C8orf34: variants seen among roughly 807,000 people sequenced by gnomAD.
C8orf34 encodes the protein chromosome 8 open reading frame 34, also known as uncharacterized protein C8orf34.
C8orf34 carries 65 observed loss-of-function variants against 68.3 expected under a neutral mutation model. The observed-to-expected ratio is 0.95, with a 90% CI of 0.78 to 1.17. The LOEUF is 1.17. Ranked by LOEUF, C8orf34 falls within the 50% of genes most tolerant of loss-of-function variation. C8orf34 has a pLI of 0.00. For missense variants in C8orf34, 664 were observed against 655.4 expected, an observed-to-expected ratio of 1.01 and a Z score of -0.14; for synonymous variants, 244 against 241.2, an observed-to-expected ratio of 1.01 and a Z score of -0.11.
chr8:68,726,543 A>G (rs1456723228), intron 10 of C8orf34, among the ~76,000 whole-genome samples: 1 of 152,198 alleles, frequency 6.6e-6, no homozygotes, highest in Non-Finnish European at 1.5e-5. Flanking sequence ...CTGCTGAGCT[A>G]GATTGGAGGT....
At chr8:68,533,286 A>C in intron 7 of C8orf34, 137 bp downstream of exon 7, 6 of 1,395,990 alleles carry the variant, frequency 4.3e-6, no homozygotes, top group Non-Finnish European at 5.6e-6. Flanking sequence ...TTTTATTTAC[A>C]TTAGACTCAC....
chr8:68,682,445 A>T (rs1452840252), intron 8 of C8orf34, among the ~76,000 whole-genome samples: 1 of 152,136 alleles, frequency 6.6e-6, no homozygotes, highest in African/African-American at 2.4e-5. Context: ...TAATTTAGTT[A>T]TCCTTCTCTT....
chr8:68,623,050 T>C (rs1332378807), intron 7 of C8orf34, among the ~76,000 whole-genome samples: 2 of 152,236 alleles, frequency 1.3e-5, no homozygotes, highest in African/African-American at 2.4e-5. Context: ...TATTGTGTTA[T>C]GGTTGGAAGA....
intron 4 of C8orf34, among the ~76,000 whole-genome samples, chr8:68,478,844 CGT>C (rs1812735552): frequency 6.6e-6 from 1 of 152,106 alleles, no homozygotes; most frequent in African/African-American, 2.4e-5. Flanking sequence ...CCTTTGCCAA[CGT>C]ATAAGGATTA....
In C8orf34 at chr8:68,522,030, A is replaced by C. The variant is rs1466464248; in HGVS notation, c.938+59A>C. The C allele has an allele frequency of 5.5e-6, 8 of 1,460,398 alleles. No homozygotes were observed. In the East Asian group the frequency reaches 1.8e-4, roughly 34 times the overall value. 90.5% of individuals were successfully genotyped at this position (1,460,398 alleles called of 1,614,324 possible). On this transcript the variant is annotated intron_variant, in intron 6 of 13. Transcript: ENST00000518698. ...CTAGTCATTAAAAGGTAAAGGGAAA[A>C]TAAACCCAAGTTCATGGTTTTTATG...
chr8:68,641,438 A>AATGGC (rs1387159619), intron 8 of C8orf34, among the ~76,000 whole-genome samples: 1 of 152,242 alleles, frequency 6.6e-6, no homozygotes, highest in Non-Finnish European at 1.5e-5. Context: ...CACTAAGAGA[A>AATGGC]ATGGCATGGC....
chr8:68,600,450 C>G (rs1317443998), intron 7 of C8orf34, among the ~76,000 whole-genome samples: 1 of 151,900 alleles, frequency 6.6e-6, no homozygotes, highest in Non-Finnish European at 1.5e-5. Context: ...TCTAATGTTC[C>G]CTTTGTTATC....
chr8:68,694,878 TTTTA>T lies in C8orf34; in HGVS notation c.1242-14108_1242-14105del, dbSNP rs796909070. ...AGCATAAGCCCTAGCAAACATAAGATTTTATTTATTTTATTTTTATTTATTTTAT... is the reference window on the plus strand; with the variant it reads ...AGCATAAGCCCTAGCAAACATAAGATTTTATTTTATTTTTATTTATTTTAT... On this transcript the variant is annotated intron_variant, in intron 8 of 13. Coordinates refer to ENST00000518698, the MANE Select transcript of C8orf34 (RefSeq NM_052958.4). 4.4e-3 allele frequency among the ~76,000 whole-genome samples: 663 copies of T among 152,050 alleles called. 11 individuals are homozygous for T. The highest frequency in any genetic ancestry group is 0.015 in the African/African-American group (624 of 41,558).
At chr8:68,441,450 C>T (rs1341163204) in intron 2 of C8orf34, among the ~76,000 whole-genome samples, 2 of 152,258 alleles carry the variant, frequency 1.3e-5, no homozygotes, top group South Asian at 2.1e-4. Context: ...TTTTCCTCTT[C>T]TTATTCTCCT....
intron 8 of C8orf34, among the ~76,000 whole-genome samples, chr8:68,649,503 GA>G (rs1409207279): frequency 5.3e-5 from 8 of 152,212 alleles, no homozygotes; most frequent in African/African-American, 1.7e-4. Flanking sequence ...TGTTGCTGTG[GA>G]AAAAAGCCTC....
At chr8:68,526,700 A>AAAAT (rs1302569286) in intron 6 of C8orf34, among the ~76,000 whole-genome samples, 2 of 151,518 alleles carry the variant, frequency 1.3e-5, no homozygotes, top group Non-Finnish European at 2.9e-5. Flanking sequence ...AAAAAAAAAA[A>AAAAT]GGACACAGGT....
intron 5 of C8orf34, among the ~76,000 whole-genome samples, chr8:68,519,720 T>C (rs1814668102): frequency 6.6e-6 from 1 of 152,066 alleles, no homozygotes; most frequent in Admixed American, 6.6e-5. Flanking sequence ...AAAAATGGTC[T>C]TTCACCTGGG....
intron 13 of C8orf34, 69 bp from the exon 14 acceptor site, chr8:68,818,168 TTC>T: frequency 6.6e-7 from 1 of 1,506,336 alleles, no homozygotes; most frequent in Non-Finnish European, 9.2e-7. Context: ...ATCACAATTT[TTC>T]TTTTTAATAT....
intron 7 of C8orf34, among the ~76,000 whole-genome samples, chr8:68,562,774 CAGATT>C (rs1816472199): frequency 6.6e-6 from 1 of 152,220 alleles, no homozygotes; most frequent in Non-Finnish European, 1.5e-5. Context: ...TGTCTCTCAT[CAGATT>C]GGGCGATCCT....
At chr8:68,419,422 A>T (rs1260490095) in intron 1 of C8orf34, among the ~76,000 whole-genome samples, 1 of 150,246 alleles carries the variant, frequency 6.7e-6, no homozygotes, top group East Asian at 1.9e-4. Context: ...CAGTGTGGTG[A>T]TTCCTCAGGG....
At chr8:68,532,620 G>A (rs1257384530) in intron 6 of C8orf34, among the ~76,000 whole-genome samples, 5 of 152,022 alleles carry the variant, frequency 3.3e-5, no homozygotes, top group African/African-American at 4.8e-5. Flanking sequence ...TTATTCCATC[G>A]AATGTGTTTT....
chr8:68,557,353 G>C (rs1816286000), intron 7 of C8orf34, among the ~76,000 whole-genome samples: 1 of 152,074 alleles, frequency 6.6e-6, no homozygotes, highest in Non-Finnish European at 1.5e-5. Context: ...TTGGAAAACT[G>C]ATCCTAAACT....
chr8:68,816,019 A>G (rs1824802119), intron 13 of C8orf34, 74 bp downstream of exon 13: 4 of 1,610,416 alleles, frequency 2.5e-6, no homozygotes, highest in South Asian at 1.1e-5. Flanking sequence ...CAGGATTTGT[A>G]TTAAAAAAGT....
At chr8:68,474,726 T>C (rs1812528188) in intron 4 of C8orf34, among the ~76,000 whole-genome samples, 1 of 152,226 alleles carries the variant, frequency 6.6e-6, no homozygotes, top group Non-Finnish European at 1.5e-5. Flanking sequence ...TCTTCAACAC[T>C]GACTTTTAAG....
Sources: gnomAD v4.1 joint callset for allele counts (sites outside exome capture counted in the v4.1 genomes callset) on GRCh38, gnomAD v4.1.1 for gene constraint, MANE v1.5 for transcripts, NCBI Gene and HGNC (gene_info 2026-07-23, HGNC 2026-07-21) for gene names.